Variants in RFTN1 observed in about 807,000 individuals in gnomAD.
RFTN1 encodes the protein raftlin, lipid raft linker 1.
In RFTN1, 26 loss-of-function variants were observed where a neutral mutation model predicts 46.5. The ratio of observed to expected loss-of-function variants is 0.56; its 90% confidence interval spans 0.41 to 0.78. The LOEUF (loss-of-function observed/expected upper bound fraction) is 0.78. RFTN1 is among the 30% of genes least tolerant of loss of function. The pLI, the probability that RFTN1 is intolerant of heterozygous loss-of-function variation, is 0.00. For missense variants in RFTN1, 693 were observed against 718.7 expected, an observed-to-expected ratio of 0.96 and a Z score of 0.41; for synonymous variants, 261 against 284.2, an observed-to-expected ratio of 0.92 and a Z score of 0.82.
intron 2 of RFTN1, among the ~76,000 whole-genome samples, chr3:16,477,015 C>T (rs939170971): frequency 1.3e-5 from 2 of 152,076 alleles, no homozygotes; most frequent in African/African-American, 4.8e-5. Flanking sequence ...ATTAATTGAT[C>T]CTACTTTTCA....
At chr3:16,431,159 G>A (rs1359850289) in intron 3 of RFTN1, among the ~76,000 whole-genome samples, 1 of 152,218 alleles carries the variant, frequency 6.6e-6, no homozygotes, top group African/African-American at 2.4e-5. Context: ...CTGCTTACTA[G>A]TAGCCAAGTG....
chr3:16,454,902 T>A, intron 2 of RFTN1: 1 of 446,930 alleles, frequency 2.2e-6, no homozygotes, highest in Non-Finnish European at 3.0e-6. Context: ...AGCAAATGAC[T>A]ACGTGATTGA....
At chr3:16,379,063 A>G (rs559380727) in intron 4 of RFTN1, among the ~76,000 whole-genome samples, 1 of 152,260 alleles carries the variant, frequency 6.6e-6, no homozygotes, top group African/African-American at 2.4e-5. Flanking sequence ...TTTTACAAAT[A>G]AATAAGGCGG....
chr3:16,417,958 C>T (rs566189199), intron 3 of RFTN1, among the ~76,000 whole-genome samples: 6 of 152,280 alleles, frequency 3.9e-5, no homozygotes, highest in Admixed American at 1.3e-4. Flanking sequence ...ACCTCCAGCT[C>T]GGCATCCCAA....
chr3:16,364,546 C>A (rs937322029), intron 6 of RFTN1, among the ~76,000 whole-genome samples: 1 of 152,104 alleles, frequency 6.6e-6, no homozygotes, highest in Admixed American at 6.5e-5. Flanking sequence ...GCACCATACT[C>A]TCTCTGCCTC....
rs2075594180 is a variant in RFTN1, at chr3:16,440,161, T to C, written c.146-6124A>G. 6.6e-6 allele frequency among the ~76,000 whole-genome samples: 1 copy of C among 152,138 alleles called. No homozygotes were observed. The highest frequency in any genetic ancestry group is 2.1e-4 in the South Asian group (1 of 4,830). On this transcript the variant is annotated intron_variant, in intron 2 of 9. Transcript: ENST00000334133. This position sits in a 1 kb window ranked among gnomAD's most constrained non-coding sequence, Gnocchi z 4.6. ...AGTGGGCCGCTGCCGCGAGGGCTGA[T>C]CACACTTTTTCTCCACTTTCTAATC...
rs1188239043 is a variant in RFTN1, at chr3:16,504,435, G to A, written c.-9+9007C>T. On this transcript the variant is annotated intron_variant, in intron 1 of 9. Coordinates refer to ENST00000334133, the MANE Select transcript of RFTN1 (RefSeq NM_015150.2). The surrounding 1 kb of genome is among the most constrained non-coding windows in gnomAD (Gnocchi z 4.4). ...GCTTGTAAAGATATGACATCATCAA[G>A]AGTAATATGGTACTGTCAGATGTTG... is the stretch of plus-strand genomic sequence containing the variant. Among the ~76,000 whole-genome samples, 4 of 152,146 alleles carry A rather than the reference G, an allele frequency of 2.6e-5. No individual in the cohort carries two copies. The highest frequency in any genetic ancestry group is 7.2e-5 in the African/African-American group (3 of 41,428).
At chr3:16,472,093 G>T (rs1452065040) in intron 2 of RFTN1, 1 of 150,672 alleles carries the variant, frequency 6.6e-6, no homozygotes, top group Non-Finnish European at 1.5e-5. Context: ...TTCCCTAACA[G>T]CTGACACAGC....
At chr3:16,372,521 T>C (rs2073560907) in intron 5 of RFTN1, among the ~76,000 whole-genome samples, 1 of 151,596 alleles carries the variant, frequency 6.6e-6, no homozygotes, top group Non-Finnish European at 1.5e-5. Context: ...CAAATGCAAA[T>C]GAATTAAGAA....
rs1559843974 is a variant in RFTN1, at chr3:16,345,855, T to TGTGC, written c.1146+12076_1146+12077insGCAC. Among the ~76,000 whole-genome samples the TGTGC allele has an allele frequency of 0.013, 783 of 61,682 alleles. 11 individuals are homozygous for TGTGC. The highest frequency in any genetic ancestry group is 0.018 in the Admixed American group (123 of 7,022). The allele number at this position is 61,682 out of a possible 152,430, so 40.5% of individuals were successfully genotyped here. ...GCGCGCACGCGCACATGTGCATGTG[T>TGTGC]ATGTGTATAATCTCCTACTGGTTCT... is the stretch of plus-strand genomic sequence containing the variant. On this transcript the variant is annotated intron_variant, in intron 7 of 9. Transcript: ENST00000334133. The surrounding 1 kb of genome is among the most constrained non-coding windows in gnomAD (Gnocchi z 5.2).
In RFTN1 at chr3:16,493,627, C is replaced by T. The variant is rs73146245; in HGVS notation, c.145+98G>A. The T allele has an allele frequency of 1.1e-3, 1,246 of 1,155,470 alleles. 17 individuals carry two copies. In the African/African-American group the frequency reaches 0.017, roughly 15 times the overall value. 71.6% of individuals were successfully genotyped at this position (1,155,470 alleles called of 1,614,324 possible). On this transcript the variant is annotated intron_variant, in intron 2 of 9. Coordinates refer to ENST00000334133, the MANE Select transcript of RFTN1 (RefSeq NM_015150.2). ...GCCTGCCCTTTTCATTTCTTCACAG[C>T]CCCCACCCCATCCAGCTCTCCAACT...
In RFTN1 at chr3:16,400,286, G is replaced by T. The variant is rs561669054; in HGVS notation, c.441+9089C>A. On this transcript the variant is annotated intron_variant, in intron 4 of 9. Transcript: ENST00000334133. The surrounding 1 kb of genome is among the most constrained non-coding windows in gnomAD (Gnocchi z 4.5). ...TCCCTCCCACCTTGGCTTTGTCTGA[G>T]CTGCTCCAGGAGTCCCCACCACCTC... Among the ~76,000 whole-genome samples the T allele has an allele frequency of 7.9e-5, 12 of 152,190 alleles. No homozygotes were observed. Among genetic ancestry groups the T allele is most frequent in the African/African-American group, 2.9e-4 (12 of 41,524 alleles).
chr3:16,432,450 A>G (rs561061302), intron 3 of RFTN1, among the ~76,000 whole-genome samples: 1 of 152,244 alleles, frequency 6.6e-6, no homozygotes, highest in East Asian at 1.9e-4. Flanking sequence ...CCTGAGAGGC[A>G]AAGGTTGCAG....
At chr3:16,343,205 G>A (rs192100603) in intron 7 of RFTN1, among the ~76,000 whole-genome samples, 50 of 152,242 alleles carry the variant, frequency 3.3e-4, no homozygotes, top group African/African-American at 1.2e-3. Flanking sequence ...GAACCACTGC[G>A]CTAGTCCTTC....
rs1402566392 is a variant in RFTN1, at chr3:16,459,727, CT to C, written c.146-25691del. ...ATTCACTTGCTTAAATAAGCCATCACTTATATCTAGTCAATATCATCATGTT... is the reference window on the plus strand; with the variant it reads ...ATTCACTTGCTTAAATAAGCCATCACTATATCTAGTCAATATCATCATGTT... On this transcript the variant is annotated intron_variant, in intron 2 of 9. Coordinates refer to ENST00000334133, the MANE Select transcript of RFTN1 (RefSeq NM_015150.2). This position sits in a 1 kb window ranked among gnomAD's most constrained non-coding sequence, Gnocchi z 4.2. Among the ~76,000 whole-genome samples the C allele has an allele frequency of 6.6e-6, 1 of 151,772 alleles. No homozygotes were observed. The highest frequency in any genetic ancestry group is 1.5e-5 in the Non-Finnish European group (1 of 68,012).
chr3:16,333,720 A>C (rs1039082262), intron 7 of RFTN1, among the ~76,000 whole-genome samples: 4 of 152,210 alleles, frequency 2.6e-5, no homozygotes, highest in African/African-American at 9.6e-5. Flanking sequence ...TGCAGCTCAT[A>C]TTACAGAAAA....
At position 16,317,034 on chromosome 3, in the gene RFTN1, G is replaced by A. The variant is rs745494325; in HGVS notation, c.1531C>T (p.Pro511Ser). Residue 511 changes from proline to serine, a missense_variant, in exon 10 of 10, where the codon CCT (proline) becomes TCT (serine). Physicochemically the swap from Pro to Ser is moderately conservative, Grantham distance 74 (BLOSUM62 -1). Coordinates refer to ENST00000334133, the MANE Select transcript of RFTN1 (RefSeq NM_015150.2). The surrounding 1 kb of genome is among the most constrained non-coding windows in gnomAD (Gnocchi z 4.3). Reference protein sequence around the residue: ...EGGVSEEMKGPVQEDKGEQLS... With the variant: ...EGGVSEEMKGSVQEDKGEQLS... ...TGTTCTCCCTTGTCCTCTTGGACAG[G>A]GCCCTTCATCTCCTCGGAGACTCCA... 2 of 1,613,808 alleles carry A rather than the reference G, an allele frequency of 1.2e-6. No homozygotes were observed. Among genetic ancestry groups the A allele is most frequent in the South Asian group, 1.1e-5 (1 of 91,066 alleles).
At chr3:16,501,770 T>C (rs1346190003) in intron 1 of RFTN1, among the ~76,000 whole-genome samples, 1 of 152,234 alleles carries the variant, frequency 6.6e-6, no homozygotes, top group Non-Finnish European at 1.5e-5. Flanking sequence ...TCCAGAAATA[T>C]AAATTAAACT....
At chr3:16,485,443 C>G (rs2076433731) in intron 2 of RFTN1, among the ~76,000 whole-genome samples, 1 of 152,144 alleles carries the variant, frequency 6.6e-6, no homozygotes, top group Non-Finnish European at 1.5e-5. Flanking sequence ...TCCATACATA[C>G]AACAGCAAGG....
Sources: gnomAD v4.1 joint callset for allele counts (sites outside exome capture counted in the v4.1 genomes callset) on GRCh38, gnomAD v4.1.1 for gene constraint, Gnocchi (gnomAD v3.1) non-coding constraint, MANE v1.5 for transcripts, NCBI Gene and HGNC (gene_info 2026-07-23, HGNC 2026-07-21) for gene names.